The following PTPRD variants were observed in gnomAD, a reference collection of about 807,000 sequenced individuals.
PTPRD encodes the protein protein tyrosine phosphatase receptor type D.
A neutral mutation model predicts 214.5 loss-of-function variants in PTPRD; 34 were observed. The ratio of observed to expected loss-of-function variants is 0.16; its 90% CI spans 0.12 to 0.21. The LOEUF is 0.21. Ranked by LOEUF, PTPRD falls within the 10% of genes least tolerant of loss-of-function variation. PTPRD has a pLI of 1.00. For missense variants in PTPRD, 2,545 were observed against 2,398.7 expected (o/e 1.06, Z -1.27); for synonymous variants, 1,128 against 845.7 (o/e 1.33, Z -5.79).
intron 4 of PTPRD, among the ~76,000 whole-genome samples, chr9:10,011,537 A>G (rs2154106466): frequency 6.6e-6 from 1 of 152,086 alleles, no homozygotes. Flanking sequence ...AAGGCACAAT[A>G]ATAAATAGAC....
intron 9 of PTPRD, among the ~76,000 whole-genome samples, chr9:9,217,393 T>C (rs368148970): frequency 4.6e-5 from 7 of 152,292 alleles, no homozygotes; most frequent in African/African-American, 1.7e-4. Flanking sequence ...GTTGTTACTT[T>C]ACCAAATCTC....
rs183557718 is a variant in PTPRD at position 9,111,190 on chromosome 9, A to C, written c.-143+72114T>G. Among the ~76,000 whole-genome samples, 709 of 151,652 alleles carry C rather than the reference A, an allele frequency of 4.7e-3. 9 individuals are homozygous for C. Among genetic ancestry groups the C allele is most frequent in the African/African-American group, 0.016 (675 of 41,326 alleles). On this transcript the variant is annotated intron_variant, in intron 10 of 45. Coordinates refer to ENST00000381196, the MANE Select transcript of PTPRD (RefSeq NM_002839.4). ...GGTGAAGCTGAGTTTCAAAGGATAA[A>C]TAGAAATTCATTAGATAAAGAAAAA...
chr9:10,198,052 T>C (rs1475645831), intron 3 of PTPRD, among the ~76,000 whole-genome samples: 1 of 152,122 alleles, frequency 6.6e-6, no homozygotes, highest in Non-Finnish European at 1.5e-5. Flanking sequence ...ATTCATATAG[T>C]TTTTAAAAGC....
intron 8 of PTPRD, among the ~76,000 whole-genome samples, chr9:9,544,757 A>C (rs966132598): frequency 3.3e-5 from 5 of 151,680 alleles, no homozygotes; most frequent in African/African-American, 1.2e-4. Context: ...TCTAAGCTTT[A>C]TGTATTTTAT....
rs2081285874 is a variant in PTPRD, at chr9:10,612,395, T to C, written c.-600+3A>G. The C allele has an allele frequency of 6.6e-6, 1 of 152,208 alleles. No homozygotes were observed. The highest frequency in any genetic ancestry group is 2.1e-4 in the South Asian group (1 of 4,828). 9.4% of individuals were successfully genotyped at this position (152,208 alleles called of 1,614,324 possible). A position where few individuals can be genotyped will look rare whatever the true frequency, so the allele number is the denominator to read the frequency against. Reference sequence around the variant, plus strand: ...AAGAAAGACAGAAGCACAGTTTACTTACTAAAGCAGCCGCTCCAGTCCTCC... The same window carrying C: ...AAGAAAGACAGAAGCACAGTTTACTCACTAAAGCAGCCGCTCCAGTCCTCC... On this transcript the variant is annotated splice_donor_region_variant and intron_variant, in intron 2 of 45. Coordinates refer to ENST00000381196, the MANE Select transcript of PTPRD (RefSeq NM_002839.4).
intron 2 of PTPRD, among the ~76,000 whole-genome samples, chr9:10,423,797 C>T (rs1370572990): frequency 1.3e-5 from 2 of 151,886 alleles, no homozygotes; most frequent in Non-Finnish European, 2.9e-5. Flanking sequence ...CAGTCCATGA[C>T]GTGTATACAG....
rs1397588697 is a variant in PTPRD at position 8,759,611 on chromosome 9, ATTTCTTTT to A, written c.-103-25673_-103-25666del. On this transcript the variant is annotated intron_variant, in intron 11 of 45. Transcript: ENST00000381196. ...TGTTGGCATCTTTTGTTCCTGTTAC[ATTTCTTTT>A]TTTTTTTTTTTTGTCCTCATCAATC... Among the ~76,000 whole-genome samples the A allele has an allele frequency of 7.4e-3, 816 of 110,466 alleles. 3 individuals carry two copies. The highest frequency in any genetic ancestry group is 0.024 in the African/African-American group (780 of 31,858). 72.5% of individuals were successfully genotyped at this position (110,466 alleles called of 152,430 possible).
At chr9:9,316,292 C>G (rs1037143483) in intron 9 of PTPRD, among the ~76,000 whole-genome samples, 2 of 151,972 alleles carry the variant, frequency 1.3e-5, no homozygotes, top group Non-Finnish European at 2.9e-5. Flanking sequence ...CAGAGAAATA[C>G]AATATCTGAC....
chr9:8,789,427 G>A (rs1290888868), intron 11 of PTPRD, among the ~76,000 whole-genome samples: 1 of 152,120 alleles, frequency 6.6e-6, no homozygotes, highest in Non-Finnish European at 1.5e-5. Flanking sequence ...CCACTGACCT[G>A]CTCTGTAGAA....
chr9:10,343,026 G>A (rs982623368), intron 2 of PTPRD, among the ~76,000 whole-genome samples: 4 of 152,122 alleles, frequency 2.6e-5, no homozygotes, highest in Admixed American at 6.5e-5. Context: ...TGTGCACAAC[G>A]TGCAGTTTTG....
chr9:10,295,890 G>C (rs914205702), intron 3 of PTPRD, among the ~76,000 whole-genome samples: 4 of 152,016 alleles, frequency 2.6e-5, no homozygotes, highest in African/African-American at 9.7e-5. Flanking sequence ...CTACTTTGAA[G>C]ATGGAAGGGA....
intron 7 of PTPRD, among the ~76,000 whole-genome samples, chr9:9,639,357 C>T (rs1391393001): frequency 1.3e-5 from 2 of 152,128 alleles, no homozygotes; most frequent in African/African-American, 2.4e-5. Context: ...GAATACCAAA[C>T]ATTTTCTGAA....
At chr9:9,719,674 T>A (rs1355635064) in intron 7 of PTPRD, among the ~76,000 whole-genome samples, 1 of 152,152 alleles carries the variant, frequency 6.6e-6, no homozygotes, top group Admixed American at 6.5e-5. Flanking sequence ...GCTGCGGCGG[T>A]GAGGGGAGAA....
intron 5 of PTPRD, among the ~76,000 whole-genome samples, chr9:9,899,447 A>G (rs889131571): frequency 2.6e-5 from 4 of 152,152 alleles, no homozygotes; most frequent in Admixed American, 6.6e-5. Flanking sequence ...GTATATAAAA[A>G]AAGTTCAATA....
chr9:10,209,942 G>C (rs939558200), intron 3 of PTPRD, among the ~76,000 whole-genome samples: 1 of 152,006 alleles, frequency 6.6e-6, no homozygotes, highest in Non-Finnish European at 1.5e-5. Flanking sequence ...AATATTTCTA[G>C]AAAACAATGT....
chr9:8,365,746 T>C (rs2079676500), intron 39 of PTPRD, among the ~76,000 whole-genome samples: 1 of 152,130 alleles, frequency 6.6e-6, no homozygotes, highest in Non-Finnish European at 1.5e-5. Flanking sequence ...AAAGCAATTG[T>C]CTCAAAAGGC....
At chr9:9,710,267 G>A (rs1040686168) in intron 7 of PTPRD, among the ~76,000 whole-genome samples, 8 of 151,838 alleles carry the variant, frequency 5.3e-5, no homozygotes, top group African/African-American at 1.9e-4. Context: ...TAGGTTATTT[G>A]GCTAATTTAC....
Position 9,034,970 on chromosome 9 carries a change from C to T in PTPRD, c.-142-16235G>A, listed in dbSNP as rs79948180. Among the ~76,000 whole-genome samples, 216 of 152,212 alleles carry T rather than the reference C, an allele frequency of 1.4e-3. 3 individuals are homozygous for T. In the East Asian group the frequency reaches 0.024, roughly 17 times the overall value. ...ATCTTGGTCTGAGTTATTCAGAATT[C>T]TCATCTCTTTGCAGGAGGGACTTCT... On this transcript the variant is annotated intron_variant, in intron 10 of 45. Transcript: ENST00000381196.
intron 33 of PTPRD, among the ~76,000 whole-genome samples, chr9:8,453,314 C>A (rs557114320): frequency 2.6e-5 from 4 of 152,166 alleles, no homozygotes; most frequent in Non-Finnish European, 5.9e-5. Context: ...CAGGCGCCCG[C>A]CACCATGCCT....
Sources: allele counts gnomAD v4.1 joint callset (sites outside exome capture counted in the v4.1 genomes callset), GRCh38; gene constraint gnomAD v4.1.1; transcripts MANE v1.5; gene names NCBI Gene and HGNC (gene_info 2026-07-23, HGNC 2026-07-21).